Variants in DLG2 observed in about 807,000 individuals in gnomAD.
DLG2 encodes the protein disks large homolog 2.
In DLG2, 45 loss-of-function variants were observed where a neutral mutation model predicts 132.5. That is an observed-to-expected ratio of 0.34 (90% CI 0.27 to 0.44). The LOEUF is 0.44. DLG2 is among the 20% of genes least tolerant of loss of function. DLG2 has a pLI of 1.00. For missense variants in DLG2, 1,045 were observed against 1,196.9 expected (o/e 0.87, Z 1.87); for synonymous variants, 424 against 419.6 (o/e 1.01, Z -0.13).
chr11:83,790,427 C>T (rs2041224442), intron 17 of DLG2: 1 of 1,071,002 alleles, frequency 9.3e-7, no homozygotes. Flanking sequence ...TCCCCAGTAC[C>T]ATCCTTGTTT....
At chr11:85,403,335 C>G (rs944715519) in intron 3 of DLG2, among the ~76,000 whole-genome samples, 4 of 151,856 alleles carry the variant, frequency 2.6e-5, no homozygotes, top group Non-Finnish European at 5.9e-5. Flanking sequence ...ACATTGGGGC[C>G]TGTCAGTTGG....
intron 11 of DLG2, among the ~76,000 whole-genome samples, chr11:83,992,631 T>C (rs1282604793): frequency 6.6e-6 from 1 of 152,160 alleles, no homozygotes; most frequent in African/African-American, 2.4e-5. Context: ...ACCATGACTG[T>C]AGAACCATGT....
At chr11:85,092,059 A>G (rs1021227482) in intron 6 of DLG2, among the ~76,000 whole-genome samples, 2 of 152,256 alleles carry the variant, frequency 1.3e-5, no homozygotes, top group Admixed American at 6.5e-5. Context: ...CATTTTTTAA[A>G]TAATAAGACT....
intron 21 of DLG2, among the ~76,000 whole-genome samples, chr11:83,502,894 C>T (rs189093952): frequency 6.6e-6 from 1 of 152,134 alleles, no homozygotes; most frequent in Admixed American, 6.6e-5. Flanking sequence ...ACTCATTTCT[C>T]ATGAACTTTC....
intron 11 of DLG2, among the ~76,000 whole-genome samples, chr11:84,025,203 T>G (rs6592155): frequency 6.6e-6 from 1 of 151,880 alleles, no homozygotes; most frequent in Non-Finnish European, 1.5e-5. Context: ...ATGGACTCAG[T>G]GCTACATGGC....
intron 10 of DLG2, among the ~76,000 whole-genome samples, chr11:84,087,253 C>A (rs1045811601): frequency 2.0e-5 from 3 of 152,158 alleles, no homozygotes; most frequent in Admixed American, 6.5e-5. Flanking sequence ...AGTAGCTGCA[C>A]CATTTTACAA....
At chr11:85,516,153 C>T (rs183006643) in intron 3 of DLG2, among the ~76,000 whole-genome samples, 95 of 152,078 alleles carry the variant, frequency 6.2e-4, no homozygotes, top group African/African-American at 2.2e-3. Flanking sequence ...GAAGAACTCT[C>T]AAAAATATAC....
chr11:84,428,597 C>A (rs1163488648), intron 7 of DLG2, among the ~76,000 whole-genome samples: 1 of 152,196 alleles, frequency 6.6e-6, no homozygotes, highest in Non-Finnish European at 1.5e-5. Flanking sequence ...ATGAAGAAAT[C>A]TGTCTCTTCC....
chr11:83,608,464 T>C (rs2059652850), intron 19 of DLG2, among the ~76,000 whole-genome samples: 1 of 152,168 alleles, frequency 6.6e-6, no homozygotes, highest in Non-Finnish European at 1.5e-5. Context: ...GTTTTGGATT[T>C]TGGAACATTT....
chr11:84,714,629 CTCTCTCTCTCTCTCTCTT>C (rs1195804856), intron 6 of DLG2, among the ~76,000 whole-genome samples: 4 of 103,602 alleles, frequency 3.9e-5, no homozygotes, highest in Non-Finnish European at 5.8e-5. Flanking sequence ...CTCTTTCTCT[CTCTCTCTCTCTCTCTCTT>C]TCTCTCTCTC....
chr11:84,938,754 A>C (rs1178277066), intron 6 of DLG2, among the ~76,000 whole-genome samples: 1 of 152,202 alleles, frequency 6.6e-6, no homozygotes, highest in Non-Finnish European at 1.5e-5. Flanking sequence ...AATTTTCGCC[A>C]GGGGTGTCTA....
intron 17 of DLG2, among the ~76,000 whole-genome samples, chr11:83,832,239 T>C (rs1331805163): frequency 4.6e-5 from 7 of 152,204 alleles, no homozygotes; most frequent in East Asian, 1.9e-4. Flanking sequence ...CTTATGTTAA[T>C]TGTTCTTATA....
At chr11:83,952,200 G>T (rs2085630901) in intron 14 of DLG2, among the ~76,000 whole-genome samples, 1 of 152,172 alleles carries the variant, frequency 6.6e-6, no homozygotes, top group East Asian at 1.9e-4. Context: ...GCAAAAATTA[G>T]CCCAGCGTGG....
chr11:84,900,044 A>C (rs1015379897), intron 6 of DLG2, among the ~76,000 whole-genome samples: 3 of 152,064 alleles, frequency 2.0e-5, no homozygotes, highest in Admixed American at 6.6e-5. Flanking sequence ...TTAGATCATT[A>C]AGAATATTTC....
At chr11:85,341,426 T>C (rs191789277) in intron 3 of DLG2, among the ~76,000 whole-genome samples, 1 of 152,316 alleles carries the variant, frequency 6.6e-6, no homozygotes, top group Non-Finnish European at 1.5e-5. Flanking sequence ...AGCTGAAGTA[T>C]GAAAATTTTA....
chr11:84,876,271 C>A (rs993464954), intron 6 of DLG2, among the ~76,000 whole-genome samples: 10 of 152,200 alleles, frequency 6.6e-5, no homozygotes, highest in Admixed American at 2.0e-4. Flanking sequence ...ACCAGCTCCT[C>A]TTTGTACCTC....
intron 9 of DLG2, among the ~76,000 whole-genome samples, chr11:84,145,211 G>A (rs1273255717): frequency 6.6e-6 from 1 of 152,154 alleles, no homozygotes; most frequent in African/African-American, 2.4e-5. Context: ...AAAGCTGTTA[G>A]TTTTAAAAGT....
intron 7 of DLG2, among the ~76,000 whole-genome samples, chr11:84,500,318 T>C (rs1299641102): frequency 6.8e-6 from 1 of 146,120 alleles, no homozygotes; most frequent in Non-Finnish European, 1.5e-5. Context: ...TACACACAGA[T>C]GATGTCTCAG....
At chr11:83,958,664 T>G (rs1297728445) in intron 14 of DLG2, among the ~76,000 whole-genome samples, 1 of 152,158 alleles carries the variant, frequency 6.6e-6, no homozygotes, top group Non-Finnish European at 1.5e-5. Flanking sequence ...TTCAGCCAGA[T>G]AGTGATGATG....
Sources: allele counts gnomAD v4.1 joint callset (sites outside exome capture counted in the v4.1 genomes callset), GRCh38; gene constraint gnomAD v4.1.1; transcripts MANE v1.5; gene names NCBI Gene and HGNC (gene_info 2026-07-23, HGNC 2026-07-21).